The following ATXN7L1 variants were observed in gnomAD, a reference collection of about 807,000 sequenced individuals.
ATXN7L1 encodes the protein ataxin-7-like protein 1.
A neutral mutation model predicts 70.8 loss-of-function variants in ATXN7L1; 15 were observed. That is an observed-to-expected ratio of 0.21 (90% CI 0.14 to 0.33). The LOEUF (loss-of-function observed/expected upper bound fraction) is 0.33, where lower values mean the gene tolerates loss of function less well. Ranked by LOEUF, ATXN7L1 falls within the 10% of genes least tolerant of loss-of-function variation. ATXN7L1 has a pLI of 1.00. For missense variants in ATXN7L1, 975 were observed against 1,097.1 expected (o/e 0.89, Z 1.57); for synonymous variants, 440 against 445.1 (o/e 0.99, Z 0.14).
chr7:105,812,025 C>G (rs1383595013), intron 2 of ATXN7L1, among the ~76,000 whole-genome samples: 1 of 152,204 alleles, frequency 6.6e-6, no homozygotes, highest in Non-Finnish European at 1.5e-5. Flanking sequence ...GGGTCTCAGC[C>G]TAAGAGCTCC....
chr7:105,730,189 G>A (rs1796374277), intron 3 of ATXN7L1, among the ~76,000 whole-genome samples: 1 of 152,134 alleles, frequency 6.6e-6, no homozygotes, highest in Admixed American at 6.5e-5. Context: ...TCAGTCAGGT[G>A]ATCAAGGTCA....
chr7:105,652,368 A>G (rs568611919), intron 4 of ATXN7L1, among the ~76,000 whole-genome samples: 2 of 152,368 alleles, frequency 1.3e-5, no homozygotes, highest in East Asian at 3.9e-4. Flanking sequence ...AAATGGTATC[A>G]GAGCCTGGGA....
intron 3 of ATXN7L1, among the ~76,000 whole-genome samples, chr7:105,706,354 C>A (rs1324539087): frequency 6.6e-6 from 1 of 151,966 alleles, no homozygotes; most frequent in Non-Finnish European, 1.5e-5. Flanking sequence ...TCACCATGCC[C>A]AGCTAATTTT....
At chr7:105,803,454 T>C (rs1234424663) in intron 2 of ATXN7L1, among the ~76,000 whole-genome samples, 1 of 152,206 alleles carries the variant, frequency 6.6e-6, no homozygotes. Context: ...TGTGAGAAGG[T>C]GGCAGGACTT....
chr7:105,642,802 A>G (rs760195682), intron 5 of ATXN7L1, 36 bp downstream of exon 5: 29 of 1,530,448 alleles, frequency 1.9e-5, no homozygotes, highest in Non-Finnish European at 2.5e-5. Context: ...CTTTCAGTCT[A>G]ATCATGAGTC....
chr7:105,816,190 C>T (rs1809166953), intron 2 of ATXN7L1, among the ~76,000 whole-genome samples: 1 of 151,998 alleles, frequency 6.6e-6, no homozygotes, highest in African/African-American at 2.4e-5. Context: ...ATCAGGAACG[C>T]AGTCTAAGCA....
At chr7:105,762,597 C>T (rs2116416577) in intron 3 of ATXN7L1, among the ~76,000 whole-genome samples, 1 of 152,316 alleles carries the variant, frequency 6.6e-6, no homozygotes, top group African/African-American at 2.4e-5. Flanking sequence ...AGGTGCATCC[C>T]TATGGCCCCA....
chr7:105,618,508 A>C (rs1338072297), intron 9 of ATXN7L1, among the ~76,000 whole-genome samples: 1 of 152,172 alleles, frequency 6.6e-6, no homozygotes, highest in Non-Finnish European at 1.5e-5. Context: ...TTCTCCTAGA[A>C]GTTCAGGTCT....
At chr7:105,816,318 C>T (rs1429813902) in intron 2 of ATXN7L1, among the ~76,000 whole-genome samples, 1 of 152,140 alleles carries the variant, frequency 6.6e-6, no homozygotes, top group Non-Finnish European at 1.5e-5. Context: ...GAATTTTAAA[C>T]TGGTTTTAGA....
intron 3 of ATXN7L1, among the ~76,000 whole-genome samples, chr7:105,764,329 G>A (rs1476856373): frequency 6.6e-6 from 1 of 151,456 alleles, no homozygotes; most frequent in Non-Finnish European, 1.5e-5. Context: ...ATGGACCTAA[G>A]CAGTGGAGTG....
At chr7:105,626,177 C>A (rs920436642) in intron 7 of ATXN7L1, among the ~76,000 whole-genome samples, 1 of 152,210 alleles carries the variant, frequency 6.6e-6, no homozygotes, top group Admixed American at 6.5e-5. Flanking sequence ...TATGGTATAT[C>A]CATTCAGTGG....
intron 3 of ATXN7L1, among the ~76,000 whole-genome samples, chr7:105,703,825 G>A (rs1004974843): frequency 2.0e-5 from 3 of 152,190 alleles, no homozygotes; most frequent in African/African-American, 4.8e-5. Flanking sequence ...CGAACCTTTC[G>A]TGTCAGGTGT....
At chr7:105,641,693 G>C (rs1310307870) in intron 5 of ATXN7L1, among the ~76,000 whole-genome samples, 1 of 152,246 alleles carries the variant, frequency 6.6e-6, no homozygotes. Flanking sequence ...AGAGCCAGGT[G>C]CTGGGGGCTC....
chr7:105,870,992 C>T (rs1818174988), intron 2 of ATXN7L1, among the ~76,000 whole-genome samples: 1 of 151,474 alleles, frequency 6.6e-6, no homozygotes, highest in South Asian at 2.1e-4. Flanking sequence ...GTATGAGATG[C>T]AGTGATTTTT....
At chr7:105,872,771 C>A (rs1434631699) in intron 2 of ATXN7L1, among the ~76,000 whole-genome samples, 1 of 151,718 alleles carries the variant, frequency 6.6e-6, no homozygotes, top group Non-Finnish European at 1.5e-5. Flanking sequence ...TATGAAAGTA[C>A]TTAGTGCCAC....
At chr7:105,870,819 C>T (rs545482286) in intron 2 of ATXN7L1, among the ~76,000 whole-genome samples, 3 of 152,188 alleles carry the variant, frequency 2.0e-5, no homozygotes, top group South Asian at 4.2e-4. Flanking sequence ...TCTGGGAGTC[C>T]TCCTCTCAGG....
intron 2 of ATXN7L1, among the ~76,000 whole-genome samples, chr7:105,871,371 C>G (rs1251410258): frequency 6.6e-6 from 1 of 152,138 alleles, no homozygotes. Flanking sequence ...AGCATATCCA[C>G]CCATGGATCT....
At chr7:105,689,803 G>C (rs1484368856) in intron 3 of ATXN7L1, among the ~76,000 whole-genome samples, 2 of 152,180 alleles carry the variant, frequency 1.3e-5, no homozygotes, top group African/African-American at 4.8e-5. Flanking sequence ...TCATGTCCGA[G>C]CCCGAGTTTT....
intron 7 of ATXN7L1, among the ~76,000 whole-genome samples, chr7:105,628,581 A>T (rs1374746254): frequency 6.6e-6 from 1 of 151,794 alleles, no homozygotes; most frequent in East Asian, 1.9e-4. Flanking sequence ...CGAGGTCAGG[A>T]GATCGAGACC....
Sources: gnomAD v4.1 joint callset for allele counts (sites outside exome capture counted in the v4.1 genomes callset) on GRCh38, gnomAD v4.1.1 for gene constraint, MANE v1.5 for transcripts, NCBI Gene and HGNC (gene_info 2026-07-23, HGNC 2026-07-21) for gene names.